The following DNAAF9 variants were observed in gnomAD, a reference collection of about 807,000 sequenced individuals.
The protein encoded by DNAAF9 is shulin.
A neutral mutation model predicts 167.0 loss-of-function variants in DNAAF9; 90 were observed. The observed-to-expected ratio is 0.54, with a 90% CI of 0.45 to 0.64. The LOEUF (loss-of-function observed/expected upper bound fraction) is 0.64, where lower values mean the gene tolerates loss of function less well. DNAAF9 is among the 30% of genes least tolerant of loss of function. The pLI, the probability that DNAAF9 is intolerant of heterozygous loss-of-function variation, is 0.00. For missense variants in DNAAF9, 1,315 were observed against 1,442.2 expected, an observed-to-expected ratio of 0.91 and a Z score of 1.43; for synonymous variants, 491 against 508.8, an observed-to-expected ratio of 0.96 and a Z score of 0.47.
chr20:3,268,735 AG>A (rs941855465), intron 30 of DNAAF9, among the ~76,000 whole-genome samples: 8 of 152,200 alleles, frequency 5.3e-5, no homozygotes, highest in Non-Finnish European at 8.8e-5. Flanking sequence ...TACATTAAAA[AG>A]GTATATAACC....
At chr20:3,275,051 C>T (rs150292151) in intron 29 of DNAAF9, among the ~76,000 whole-genome samples, 2 of 152,308 alleles carry the variant, frequency 1.3e-5, no homozygotes, top group Non-Finnish European at 2.9e-5. Flanking sequence ...AGCTTGATGC[C>T]AGAATCCCAT....
intron 1 of DNAAF9, among the ~76,000 whole-genome samples, chr20:3,386,934 A>T (rs2083749236): frequency 2.0e-5 from 3 of 152,252 alleles, no homozygotes; most frequent in African/African-American, 7.2e-5. Context: ...ATTAGAATGG[A>T]TAAAATGAAA....
At chr20:3,327,259 C>T (rs1600791548) in intron 12 of DNAAF9, among the ~76,000 whole-genome samples, 1 of 152,162 alleles carries the variant, frequency 6.6e-6, no homozygotes, top group South Asian at 2.1e-4. Flanking sequence ...GTAGGATGTT[C>T]GGCAGCACCC....
chr20:3,264,375 G>A, intron 31 of DNAAF9, 63 bp downstream of exon 31: 2 of 769,702 alleles, frequency 2.6e-6, no homozygotes, highest in South Asian at 1.6e-5. Flanking sequence ...TTTTTTTTCT[G>A]TAAATAAATA....
intron 23 of DNAAF9, chr20:3,295,680 AAC>A (rs1323123774): frequency 3.6e-6 from 2 of 560,362 alleles, no homozygotes; most frequent in Non-Finnish European, 7.2e-6. Flanking sequence ...GACAAACTGT[AAC>A]ACAGTCCATG....
intron 21 of DNAAF9, among the ~76,000 whole-genome samples, chr20:3,303,497 G>A (rs569835498): frequency 4.6e-5 from 7 of 152,194 alleles, no homozygotes; most frequent in African/African-American, 1.7e-4. Flanking sequence ...TTTTCATGAT[G>A]CATTCTTTCT....
intron 31 of DNAAF9, among the ~76,000 whole-genome samples, chr20:3,263,089 C>G (rs2068423707): frequency 6.6e-6 from 1 of 151,456 alleles, no homozygotes; most frequent in African/African-American, 2.4e-5. Context: ...ATTCTCCTGC[C>G]TCAGCCTCCC....
chr20:3,269,447 G>T (rs1465639699), intron 30 of DNAAF9, among the ~76,000 whole-genome samples: 1 of 151,868 alleles, frequency 6.6e-6, no homozygotes, highest in Non-Finnish European at 1.5e-5. Context: ...CTCCTGCAAG[G>T]AGTTTTGGGC....
intron 29 of DNAAF9, among the ~76,000 whole-genome samples, chr20:3,275,219 G>A (rs2085364823): frequency 6.6e-6 from 1 of 152,174 alleles, no homozygotes; most frequent in East Asian, 1.9e-4. Flanking sequence ...TCCTACAAAG[G>A]GCCTGCCAGA....
At chr20:3,349,851 A>C (rs2070279415) in intron 7 of DNAAF9, among the ~76,000 whole-genome samples, 1 of 152,132 alleles carries the variant, frequency 6.6e-6, no homozygotes, top group African/African-American at 2.4e-5. Context: ...ATTTGTACTC[A>C]AATTGGACAG....
Position 3,250,942 on chromosome 20 carries a change from C to T in DNAAF9, c.*1630G>A, listed in dbSNP as rs953816747. ...AAGATCTATGTTACTGATTCTGAAG[C>T]GAGGCAAGCCCTTGACGGACCGCAG... On this transcript the variant is annotated 3_prime_UTR_variant, in exon 37 of 37. Coordinates refer to ENST00000252032, the MANE Select transcript of DNAAF9 (RefSeq NM_001009984.3). 1.3e-5 allele frequency: 2 copies of T among 152,110 alleles called. No homozygotes were observed. The highest frequency in any genetic ancestry group is 1.5e-5 in the Non-Finnish European group (1 of 68,024). The allele number at this position is 152,110 out of a possible 1,614,324, so 9.4% of individuals were successfully genotyped here. A position where few individuals can be genotyped will look rare whatever the true frequency, so the allele number is the denominator to read the frequency against.
Position 3,276,468 on chromosome 20 carries a change from T to C in DNAAF9, c.2650+2444A>G, listed in dbSNP as rs535302288. 2.5e-4 allele frequency among the ~76,000 whole-genome samples: 38 copies of C among 152,298 alleles called. 1 individual carries two copies. In the South Asian group the frequency reaches 3.7e-3, roughly 15 times the overall value. On this transcript the variant is annotated intron_variant, in intron 29 of 36. Coordinates refer to ENST00000252032, the MANE Select transcript of DNAAF9 (RefSeq NM_001009984.3). ...TTTAACACACATTGTCTTTGCACAA[T>C]GAGTTGGAAGGCAGTATAAATGAAA...
Position 3,376,253 on chromosome 20 carries a change from AG to A in DNAAF9, c.332del (p.Pro111LeufsTer2). Reference protein sequence around the residue: ...KSDSVHLYCNPVNFRYLLPYV... With the variant: ...KSDSVHLYCNXVNFRYLLPYV... The stretch of plus-strand genomic sequence containing the variant: ...AAGGTAAGAGATAGCGAAAGTTTAC[AG>A]GATTACAGTACAGATGGACGCTATC... On this transcript the variant is annotated frameshift_variant, in exon 4 of 37. Coordinates refer to ENST00000252032, the MANE Select transcript of DNAAF9 (RefSeq NM_001009984.3). LOFTEE classifies it high-confidence loss of function. 6.2e-7 allele frequency: 1 copy of A among 1,613,326 alleles called. No individual in the cohort carries two copies.
intron 1 of DNAAF9, among the ~76,000 whole-genome samples, chr20:3,406,259 A>G (rs2123321993): frequency 6.6e-6 from 1 of 152,356 alleles, no homozygotes; most frequent in East Asian, 1.9e-4. Context: ...CCCAAAAATC[A>G]GATCAGCAAG....
rs113773078 is a variant in DNAAF9 at position 3,397,711 on chromosome 20, A to AT, written c.83+9763dup. 4.5e-5 allele frequency among the ~76,000 whole-genome samples: 4 copies of AT among 88,982 alleles called. No homozygotes were observed. The East Asian group carries it at 1.2e-3, about 27-fold the overall frequency. The allele number at this position is 88,982 out of a possible 152,430, so 58.4% of individuals were successfully genotyped here. A position where few individuals can be genotyped will look rare whatever the true frequency, so the allele number is the denominator to read the frequency against. On this transcript the variant is annotated intron_variant, in intron 1 of 36. Transcript: ENST00000252032. ...GGAATGAGTGTTAAATTTTAAGCAGATTTTTTTTGGGGGGGGGGAACATCT... is the reference window on the plus strand; with the variant it reads ...GGAATGAGTGTTAAATTTTAAGCAGATTTTTTTTTGGGGGGGGGGAACATCT...
rs541465593 is a variant in DNAAF9, at chr20:3,332,131, T to C, written c.1063+149A>G. On this transcript the variant is annotated intron_variant, in intron 11 of 36. Coordinates refer to ENST00000252032, the MANE Select transcript of DNAAF9 (RefSeq NM_001009984.3). ...AGAAACGTGTTAGACATATCAACTATCCAGAAGTAATCAGAGAGGGAGCTG... is the reference window on the plus strand; with the variant it reads ...AGAAACGTGTTAGACATATCAACTACCCAGAAGTAATCAGAGAGGGAGCTG... 3 of 597,804 alleles carry C rather than the reference T, an allele frequency of 5.0e-6. No homozygotes were observed. In the Admixed American group the frequency reaches 8.8e-5, roughly 18 times the overall value. The allele number at this position is 597,804 out of a possible 1,614,324, so 37.0% of individuals were successfully genotyped here.
At chr20:3,308,317 T>A (rs1458688845) in intron 20 of DNAAF9, among the ~76,000 whole-genome samples, 3 of 151,024 alleles carry the variant, frequency 2.0e-5, no homozygotes, top group Non-Finnish European at 4.4e-5. Context: ...AGTTCCTTCA[T>A]GCTCAGTGCT....
chr20:3,340,433 T>TCCGGGGGGCCCCCCCCCCCCCCC, intron 10 of DNAAF9, 71 bp downstream of exon 10: 2 of 221,214 alleles, frequency 9.0e-6, no homozygotes, highest in East Asian at 1.2e-4. Context: ...TTTGTCTAGC[T>TCCGGGGGGCCCCCCCCCCCCCCC]CCCCCCACCC....
Position 3,255,217 on chromosome 20 carries a change from A to C in DNAAF9, c.3327+2T>G, listed in dbSNP as rs1408295053. 6.5e-7 allele frequency: 1 copy of C among 1,545,532 alleles called. No homozygotes were observed. Among genetic ancestry groups the C allele is most frequent in the Non-Finnish European group, 8.8e-7 (1 of 1,141,610 alleles). ...GGGGAGAAGCCAGGGCAAGGCACTC[A>C]CGTGGATGCTCCTGATCTCCTGTTG... On this transcript the variant is annotated splice_donor_variant, in intron 35 of 36. Coordinates refer to ENST00000252032, the MANE Select transcript of DNAAF9 (RefSeq NM_001009984.3). LOFTEE classifies it high-confidence loss of function.
Sources: allele counts gnomAD v4.1 joint callset (sites outside exome capture counted in the v4.1 genomes callset), GRCh38; gene constraint gnomAD v4.1.1; transcripts MANE v1.5; gene names NCBI Gene and HGNC (gene_info 2026-07-23, HGNC 2026-07-21).